The following PDXDC1 variants were observed in gnomAD, a reference collection of about 807,000 sequenced individuals.
PDXDC1 encodes the protein pyridoxal-dependent decarboxylase domain-containing protein 1.
A neutral mutation model predicts 100.1 loss-of-function variants in PDXDC1; 42 were observed. The observed-to-expected ratio is 0.42, with a 90% confidence interval of 0.33 to 0.54. PDXDC1 has a LOEUF of 0.54. PDXDC1 is among the 20% of genes least tolerant of loss of function. PDXDC1 has a pLI of 0.10. For missense variants in PDXDC1, 636 were observed against 979.2 expected (o/e 0.65, Z 4.68); for synonymous variants, 260 against 371.7 (o/e 0.70, Z 3.46).
At chr16:15,130,788 C>T (rs756959392) in intron 16 of PDXDC1, 50 of 1,025,688 alleles carry the variant, frequency 4.9e-5, no homozygotes, top group Admixed American at 1.7e-4. Flanking sequence ...AGACAGGTAG[C>T]GGCCTGGGGC....
chr16:15,148,637 G>A, the PDXDC1 span, among the ~76,000 whole-genome samples: 4 of 151,206 alleles, frequency 2.6e-5, no homozygotes, highest in South Asian at 8.4e-4. Flanking sequence ...ACCCACCCTG[G>A]CCTCCCAAAC....
At chr16:15,013,416 G>C (rs1412303160) in intron 8 of PDXDC1, among the ~76,000 whole-genome samples, 2 of 151,932 alleles carry the variant, frequency 1.3e-5, no homozygotes, top group African/African-American at 4.8e-5. Context: ...GGATTTTCCA[G>C]GGCCAGTGAG....
intron 16 of PDXDC1, chr16:15,131,031 C>T (rs2048026459): frequency 2.9e-6 from 4 of 1,387,362 alleles, no homozygotes; most frequent in African/African-American, 2.8e-5. Flanking sequence ...ACGAGAAACG[C>T]CTTCCCCCCA....
intron 13 of PDXDC1, among the ~76,000 whole-genome samples, chr16:15,023,572 T>C (rs1400009931): frequency 9.9e-5 from 15 of 152,280 alleles, no homozygotes; most frequent in Non-Finnish European, 1.6e-4. Flanking sequence ...AGTGAAAGAA[T>C]TGCTTGAACC....
intron 16 of PDXDC1, chr16:15,130,540 C>G: frequency 1.5e-6 from 2 of 1,333,414 alleles, no homozygotes; most frequent in Non-Finnish European, 2.1e-6. Context: ...GGTCCAGTCC[C>G]CTCGCTGCCT....
chr16:15,123,027 A>T (rs2047514826), intron 16 of PDXDC1, among the ~76,000 whole-genome samples: 1 of 150,916 alleles, frequency 6.6e-6, no homozygotes, highest in African/African-American at 2.4e-5. Flanking sequence ...GGGAAGCAAC[A>T]GGACACGCGG....
rs146744520 is a variant in PDXDC1, at chr16:15,100,025, A to G, written c.1400-38854A>G. ...GTAAGGTACCAAAAAAGAATTTATC[A>G]TTGGCCAATTTGGATAAGGTGCCCT... On this transcript the variant is annotated intron_variant, in intron 16 of 16. Coordinates refer to the PDXDC1 transcript ENST00000535621. 2.0e-3 allele frequency among the ~76,000 whole-genome samples: 308 copies of G among 152,336 alleles called. 1 individual carries two copies. Among genetic ancestry groups the G allele is most frequent in the African/African-American group, 6.7e-3 (280 of 41,590 alleles).
downstream of PDXDC1, among the ~76,000 whole-genome samples, chr16:15,142,786 C>A (rs553510662): frequency 0.016 from 2,420 of 151,118 alleles, 24 homozygotes; most frequent in Non-Finnish European, 0.024. Flanking sequence ...CAGGTGACAT[C>A]ATCGCCGCTG....
intron 16 of PDXDC1, among the ~76,000 whole-genome samples, chr16:15,095,640 C>T (rs1275058285): frequency 6.6e-6 from 1 of 152,048 alleles, no homozygotes; most frequent in African/African-American, 2.4e-5. Flanking sequence ...TCACCTGAGG[C>T]CAGAAGTTTG....
intron 16 of PDXDC1, chr16:15,068,369 A>C (rs2045070406): frequency 6.9e-7 from 1 of 1,455,032 alleles, no homozygotes; most frequent in Non-Finnish European, 9.1e-7. Flanking sequence ...CACACATTTA[A>C]AAAAAACTTT....
intron 8 of PDXDC1, among the ~76,000 whole-genome samples, chr16:15,014,822 G>T (rs563693600): frequency 1.3e-5 from 2 of 152,406 alleles, no homozygotes; most frequent in East Asian, 1.9e-4. Flanking sequence ...AATCTGTAGT[G>T]CAATCAATTA....
At chr16:15,119,392 G>A (rs2047356186) in intron 16 of PDXDC1, among the ~76,000 whole-genome samples, 1 of 142,472 alleles carries the variant, frequency 7.0e-6, no homozygotes, top group Non-Finnish European at 1.5e-5. Context: ...AATAGCTGAT[G>A]ATCTAAAAAA....
chr16:15,093,300 G>A (rs577658273), intron 16 of PDXDC1, among the ~76,000 whole-genome samples: 53 of 152,248 alleles, frequency 3.5e-4, no homozygotes, highest in Admixed American at 1.8e-3. Flanking sequence ...AACCGCGCCC[G>A]GCCTAGATTT....
At chr16:14,991,093 A>G (rs140832405) in intron 1 of PDXDC1, among the ~76,000 whole-genome samples, 1 of 152,292 alleles carries the variant, frequency 6.6e-6, no homozygotes, top group Non-Finnish European at 1.5e-5. Flanking sequence ...AACTGCATGT[A>G]CACTCCAGAG....
At chr16:15,095,848 CAAA>C (rs770655135) in intron 16 of PDXDC1, among the ~76,000 whole-genome samples, 4 of 124,506 alleles carry the variant, frequency 3.2e-5, no homozygotes, top group Non-Finnish European at 3.3e-5. Flanking sequence ...AACTGTGTCT[CAAA>C]AAAAAAAAAG....
At chr16:14,980,523 T>G (rs2151155163) in intron 1 of PDXDC1, among the ~76,000 whole-genome samples, 1 of 152,414 alleles carries the variant, frequency 6.6e-6, no homozygotes, top group Admixed American at 6.5e-5. Flanking sequence ...TCTCGCCCTG[T>G]GGCCTAGGCT....
chr16:15,131,098 G>C, intron 16 of PDXDC1: 1 of 1,606,720 alleles, frequency 6.2e-7, no homozygotes, highest in Non-Finnish European at 8.5e-7. Flanking sequence ...GTCCAGCAGC[G>C]TATAGTTGAG....
chr16:15,127,636 G>T (rs1241279416), intron 16 of PDXDC1: 1 of 1,284,886 alleles, frequency 7.8e-7, no homozygotes, highest in South Asian at 1.3e-5. Flanking sequence ...GAGGCTGAGG[G>T]GCAGGAAGGG....
At chr16:15,144,408 G>A in the PDXDC1 span, among the ~76,000 whole-genome samples, 121 of 152,322 alleles carry the variant, frequency 7.9e-4, no homozygotes, top group African/African-American at 2.5e-3. Context: ...GTGCAGCCCC[G>A]GGCTGGGCAG....
Sources: allele counts gnomAD v4.1 joint callset (sites outside exome capture counted in the v4.1 genomes callset), GRCh38; gene constraint gnomAD v4.1.1; transcripts MANE v1.5; gene names NCBI Gene and HGNC (gene_info 2026-07-23, HGNC 2026-07-21).